Variants in KIRREL3 observed in about 807,000 individuals in gnomAD.
KIRREL3 encodes kin of IRRE-like protein 3.
KIRREL3 carries 36 observed loss-of-function variants against 89.7 expected under a neutral mutation model. The ratio of observed to expected loss-of-function variants is 0.40; its 90% confidence interval spans 0.31 to 0.53. The LOEUF (loss-of-function observed/expected upper bound fraction) is 0.53, where lower values mean the gene tolerates loss of function less well. Ranked by LOEUF, KIRREL3 falls within the 20% of genes least tolerant of loss-of-function variation. The pLI is 0.49. For missense variants in KIRREL3, 864 were observed against 1,056.6 expected (o/e 0.82, Z 2.53); for synonymous variants, 445 against 441.4 (o/e 1.01, Z -0.10).
Position 126,522,525 on chromosome 11 carries a change from C to T in KIRREL3, c.284-1061G>A, listed in dbSNP as rs1233809424. On this transcript the variant is annotated intron_variant, in intron 3 of 16. Transcript: ENST00000525144. This position sits in a 1 kb window ranked among gnomAD's most constrained non-coding sequence, Gnocchi z 6.0. ...CTCAGGACGCTTAAGAATTGGGGGC[C>T]CCTTGTACCATGGGCAATGAATAAT... 2.0e-5 allele frequency among the ~76,000 whole-genome samples: 3 copies of T among 152,056 alleles called. No individual in the cohort carries two copies. The highest frequency in any genetic ancestry group is 4.4e-5 in the Non-Finnish European group (3 of 68,010).
In KIRREL3 at chr11:126,797,690, G is replaced by A. The variant is rs1029918858; in HGVS notation, c.55+202765C>T. Among the ~76,000 whole-genome samples, 1 of 152,126 alleles carries A rather than the reference G, an allele frequency of 6.6e-6. No homozygotes were observed. The highest frequency in any genetic ancestry group is 1.5e-5 in the Non-Finnish European group (1 of 68,036). ...CAAGCACAATCAGCACTGGGTCGAT[G>A]TATATGAGGAAAGCACAGAATCACA... On this transcript the variant is annotated intron_variant, in intron 1 of 16. Coordinates refer to ENST00000525144, the MANE Select transcript of KIRREL3 (RefSeq NM_032531.4). The surrounding 1 kb of genome is among the most constrained non-coding windows in gnomAD (Gnocchi z 4.9).
At chr11:126,672,707 A>G (rs1474280777) in intron 1 of KIRREL3, among the ~76,000 whole-genome samples, 1 of 152,212 alleles carries the variant, frequency 6.6e-6, no homozygotes, top group Non-Finnish European at 1.5e-5. Context: ...CTGGGAGGAT[A>G]CAAAGAATAA....
chr11:126,437,044 C>T (rs377440033), intron 11 of KIRREL3, 35 bp from the exon 12 acceptor site: 4 of 1,475,738 alleles, frequency 2.7e-6, no homozygotes, highest in Non-Finnish European at 3.6e-6. Flanking sequence ...GGAGACCCCA[C>T]CAGAGGGGCC....
intron 11 of KIRREL3, 21 bp downstream of exon 11, chr11:126,440,428 C>T (rs1435365841): frequency 3.2e-6 from 5 of 1,551,432 alleles, no homozygotes; most frequent in Non-Finnish European, 3.5e-6. Flanking sequence ...GGCCCCCGCC[C>T]GCCGTCCCTG....
In KIRREL3 at chr11:126,747,317, A is replaced by T. The variant is rs916589666; in HGVS notation, c.56-184405T>A. On this transcript the variant is annotated intron_variant, in intron 1 of 16. Transcript: ENST00000525144. This position sits in a 1 kb window ranked among gnomAD's most constrained non-coding sequence, Gnocchi z 4.7. ...ATGAGGATTAAATAAAATACTGGGG[A>T]TAGAGCTCTTTGCTCATTATCTAGC... is the stretch of plus-strand genomic sequence containing the variant. Among the ~76,000 whole-genome samples the T allele has an allele frequency of 2.6e-5, 4 of 152,216 alleles. No individual in the cohort carries two copies. The highest frequency in any genetic ancestry group is 9.6e-5 in the African/African-American group (4 of 41,456).
In KIRREL3 at chr11:126,489,943, C is replaced by T. The variant is rs1957463853; in HGVS notation, c.434-16477G>A. On this transcript the variant is annotated intron_variant, in intron 4 of 16. Transcript: ENST00000525144. The surrounding 1 kb of genome is among the most constrained non-coding windows in gnomAD (Gnocchi z 5.5). ...TCAGCTCAGATCTCCATCCCTGGCA[C>T]TGTGCAGGAATCTGGGCGTGTTAGT... Among the ~76,000 whole-genome samples the T allele has an allele frequency of 1.3e-5, 2 of 152,120 alleles. No individual in the cohort carries two copies. The highest frequency in any genetic ancestry group is 2.9e-5 in the Non-Finnish European group (2 of 68,020).
intron 1 of KIRREL3, among the ~76,000 whole-genome samples, chr11:126,598,935 A>G (rs771123535): frequency 6.6e-6 from 1 of 152,204 alleles, no homozygotes; most frequent in African/African-American, 2.4e-5. Flanking sequence ...TTTGTGCCTG[A>G]GCAGTGGCTG....
rs967307454 is a variant in KIRREL3 at position 126,574,572 on chromosome 11, C to A, written c.56-11660G>T. 2.0e-5 allele frequency among the ~76,000 whole-genome samples: 3 copies of A among 152,142 alleles called. No individual in the cohort carries two copies. The highest frequency in any genetic ancestry group is 7.2e-5 in the African/African-American group (3 of 41,424). ...TTAGCATGCCAAGGACTGCACAGACCCTGCACGTCAATAGCTGAGCCCCAG... is the reference window on the plus strand; with the variant it reads ...TTAGCATGCCAAGGACTGCACAGACACTGCACGTCAATAGCTGAGCCCCAG... On this transcript the variant is annotated intron_variant, in intron 1 of 16. Coordinates refer to ENST00000525144, the MANE Select transcript of KIRREL3 (RefSeq NM_032531.4). This position sits in a 1 kb window ranked among gnomAD's most constrained non-coding sequence, Gnocchi z 5.3.
intron 1 of KIRREL3, among the ~76,000 whole-genome samples, chr11:126,847,643 C>G (rs372873066): frequency 6.6e-6 from 1 of 152,072 alleles, no homozygotes; most frequent in Non-Finnish European, 1.5e-5. Flanking sequence ...TAATAGTAAA[C>G]TAATAGAAGT....
rs971494859 is a variant in KIRREL3 at position 126,912,041 on chromosome 11, G to A, written c.55+88414C>T. ...GGATGACTCAGTAGAGACTGGGAAG[G>A]AAGCCCTGCAGAGAAGCTGCCAGCC... On this transcript the variant is annotated intron_variant, in intron 1 of 16. Coordinates refer to ENST00000525144, the MANE Select transcript of KIRREL3 (RefSeq NM_032531.4). The surrounding 1 kb of genome is among the most constrained non-coding windows in gnomAD (Gnocchi z 4.7). Among the ~76,000 whole-genome samples the A allele has an allele frequency of 1.7e-4, 25 of 150,798 alleles. No homozygotes were observed. Among genetic ancestry groups the A allele is most frequent in the Non-Finnish European group, 8.8e-5 (6 of 67,816 alleles).
Position 126,641,412 on chromosome 11 carries a change from A to C in KIRREL3, c.56-78500T>G, listed in dbSNP as rs1239295400. Among the ~76,000 whole-genome samples the C allele has an allele frequency of 2.0e-5, 3 of 152,000 alleles. No homozygotes were observed. Among genetic ancestry groups the C allele is most frequent in the Non-Finnish European group, 4.4e-5 (3 of 68,006 alleles). On this transcript the variant is annotated intron_variant, in intron 1 of 16. Transcript: ENST00000525144. The surrounding 1 kb of genome is among the most constrained non-coding windows in gnomAD (Gnocchi z 5.0). ...CACAAAGCTACTTGCCACTCTCATC[A>C]GATCAGGGTGCAGGGTGTCATGAGT...
rs1412862808 is a variant in KIRREL3, at chr11:126,427,094, C to T, written c.1807-1370G>A. Among the ~76,000 whole-genome samples, 2 of 152,272 alleles carry T rather than the reference C, an allele frequency of 1.3e-5. No individual in the cohort carries two copies. The highest frequency in any genetic ancestry group is 2.4e-5 in the African/African-American group (1 of 41,552). On this transcript the variant is annotated intron_variant, in intron 15 of 16. Coordinates refer to ENST00000525144, the MANE Select transcript of KIRREL3 (RefSeq NM_032531.4). This position sits in a 1 kb window ranked among gnomAD's most constrained non-coding sequence, Gnocchi z 5.3. ...TTGGACTAAGGGATGTGGAGACAGT[C>T]TGAGGCAAACAGAATGTTTGCCGAT...
chr11:126,445,647 C>T (rs572245692), intron 9 of KIRREL3, among the ~76,000 whole-genome samples: 1 of 152,364 alleles, frequency 6.6e-6, no homozygotes, highest in African/African-American at 2.4e-5. Context: ...ACACCTGTGT[C>T]TCTTTGGTCA....
At position 126,943,351 on chromosome 11, in the gene KIRREL3, G is replaced by C. The variant is rs566620615; in HGVS notation, c.55+57104C>G. ...TCCACCACGGAACGCCTTACTCCTG[G>C]AACTAATCACAGCATTTCTCTACCC... is the stretch of plus-strand genomic sequence containing the variant. On this transcript the variant is annotated intron_variant, in intron 1 of 16. Transcript: ENST00000525144. This position sits in a 1 kb window ranked among gnomAD's most constrained non-coding sequence, Gnocchi z 4.2. Among the ~76,000 whole-genome samples the C allele has an allele frequency of 1.3e-5, 2 of 152,208 alleles. No individual in the cohort carries two copies. The highest frequency in any genetic ancestry group is 3.9e-4 in the East Asian group (2 of 5,156).
intron 5 of KIRREL3, among the ~76,000 whole-genome samples, chr11:126,464,951 A>T (rs1436387416): frequency 1.3e-5 from 2 of 152,162 alleles, no homozygotes; most frequent in African/African-American, 2.4e-5. Flanking sequence ...CCACAATGTC[A>T]TTCCGAAGCT....
At chr11:126,671,296 G>A (rs1207058375) in intron 1 of KIRREL3, among the ~76,000 whole-genome samples, 2 of 142,894 alleles carry the variant, frequency 1.4e-5, no homozygotes, top group Non-Finnish European at 3.0e-5. Flanking sequence ...TTGAACTCCT[G>A]AGCTCAAAAA....
intron 1 of KIRREL3, among the ~76,000 whole-genome samples, chr11:126,779,587 C>T (rs914282454): frequency 4.6e-5 from 7 of 152,132 alleles, no homozygotes; most frequent in African/African-American, 1.4e-4. Flanking sequence ...TCCAGCTAGG[C>T]TGTTTAGAAT....
rs776411175 is a variant in KIRREL3, at chr11:126,449,043, G to A, written c.963C>T (p.Gly321=). ...CAACCGTGCGGCTGAGGTTGGTGCT[G>A]CCCAGGGCGTTGGTCACCTCACAGG... is the stretch of plus-strand genomic sequence containing the variant. ...PVSCEVTNAL[G]STNLSRTVDV... The change falls in exon 8 of 17, where the codon GGC becomes GGT. Residue 321 remains glycine (G), a synonymous_variant. Transcript: ENST00000525144. The A allele has an allele frequency of 5.6e-6, 9 of 1,613,536 alleles. No individual in the cohort carries two copies. The highest frequency in any genetic ancestry group is 6.8e-6 in the Non-Finnish European group (8 of 1,179,634).
chr11:126,562,948 G>A lies in KIRREL3; in HGVS notation c.56-36C>T, dbSNP rs764734800. On this transcript the variant is annotated intron_variant, in intron 1 of 16. Transcript: ENST00000525144. The surrounding 1 kb of genome is among the most constrained non-coding windows in gnomAD (Gnocchi z 4.7). ...AGCATAGGTGGGTGAGTTGGGAATG[G>A]GAACAGGTCAGGCATTGTTGGGGGG... The A allele has an allele frequency of 1.3e-6, 2 of 1,564,486 alleles. No individual in the cohort carries two copies. Among genetic ancestry groups the A allele is most frequent in the Non-Finnish European group, 1.8e-6 (2 of 1,135,516 alleles).
Sources: gnomAD v4.1 joint callset for allele counts (sites outside exome capture counted in the v4.1 genomes callset) on GRCh38, gnomAD v4.1.1 for gene constraint, Gnocchi (gnomAD v3.1) non-coding constraint, MANE v1.5 for transcripts, NCBI Gene and HGNC (gene_info 2026-07-23, HGNC 2026-07-21) for gene names.